DENND4C: variants seen among roughly 807,000 people sequenced by gnomAD.
DENND4C encodes DENN domain containing 4C, also known as DENN domain-containing protein 4C.
In DENND4C, 108 loss-of-function variants were observed where a neutral mutation model predicts 203.0. That is an observed-to-expected ratio of 0.53 (90% CI 0.46 to 0.62). The LOEUF (loss-of-function observed/expected upper bound fraction) is 0.62, where lower values mean the gene tolerates loss of function less well. Among genes scored for constraint, DENND4C ranks in the 20% least tolerant of loss-of-function variants. The probability of loss-of-function intolerance (pLI) is 0.00; values close to 1 mark genes in which losing one functional copy is unlikely to be tolerated. For missense variants in DENND4C, 2,481 were observed against 2,301.2 expected (o/e 1.08, Z -1.60); for synonymous variants, 871 against 792.4 (o/e 1.10, Z -1.67).
At position 19,311,858 on chromosome 9, in the gene DENND4C, C is replaced by A. The variant is rs61635462; in HGVS notation, c.1488-4559C>A. Among the ~76,000 whole-genome samples, 313 of 152,222 alleles carry A rather than the reference C, an allele frequency of 2.1e-3. 10 individuals are homozygous for A. In the East Asian group the frequency reaches 0.051, roughly 25 times the overall value. On this transcript the variant is annotated intron_variant, in intron 10 of 32. Transcript: ENST00000434457. ...AGAAGTGAGATATATATGATGACAG[C>A]TTCTATGGAGGATATCTGGCAACAT...
chr9:19,360,350 A>C lies in DENND4C; in HGVS notation c.5267A>C (p.Gln1756Pro). 6.2e-7 allele frequency: 1 copy of C among 1,614,140 alleles called. No homozygotes were observed. Among genetic ancestry groups the C allele is most frequent in the Non-Finnish European group, 8.5e-7 (1 of 1,180,004 alleles). Residue 1756 changes from glutamine to proline, a missense_variant, in exon 29 of 33, where the codon CAG (glutamine) becomes CCG (proline). Coordinates refer to ENST00000434457, the MANE Select transcript of DENND4C (RefSeq NM_001330640.2). ...TCTTTGCTAGAAAATGAAGGTGATC[A>C]GGTGATTCATACATCTTCTTTCATC... Reference protein sequence around the residue: ...LESLLENEGDQVIHTSSFINQ... With the variant: ...LESLLENEGDPVIHTSSFINQ...
At chr9:19,319,617 G>T (rs1410780859) in intron 12 of DENND4C, among the ~76,000 whole-genome samples, 1 of 151,576 alleles carries the variant, frequency 6.6e-6, no homozygotes, top group Non-Finnish European at 1.5e-5. Flanking sequence ...ATAAATGCCA[G>T]ATGAAGAATA....
chr9:19,314,941 C>A (rs953653644), intron 10 of DENND4C, among the ~76,000 whole-genome samples: 2 of 151,712 alleles, frequency 1.3e-5, no homozygotes, highest in Admixed American at 1.3e-4. Context: ...GTGGGCGTAT[C>A]ACATGAGGTC....
chr9:19,306,045 A>T (rs1227571520), intron 10 of DENND4C, among the ~76,000 whole-genome samples: 3 of 151,968 alleles, frequency 2.0e-5, no homozygotes, highest in African/African-American at 7.2e-5. Flanking sequence ...GGTGATAATT[A>T]AGTACAGCAG....
At chr9:19,272,714 T>C (rs1263144462) in intron 1 of DENND4C, among the ~76,000 whole-genome samples, 1 of 151,994 alleles carries the variant, frequency 6.6e-6, no homozygotes, top group Non-Finnish European at 1.5e-5. Context: ...TAGAAGAAAA[T>C]GTGGGGGAAA....
chr9:19,298,800 A>G (rs1466461759), intron 7 of DENND4C, among the ~76,000 whole-genome samples: 3 of 152,144 alleles, frequency 2.0e-5, no homozygotes, highest in African/African-American at 4.8e-5. Context: ...TTTCTAAGAC[A>G]TTCTTAACAT....
chr9:19,323,699 G>C (rs1843266301), intron 12 of DENND4C, among the ~76,000 whole-genome samples: 1 of 152,170 alleles, frequency 6.6e-6, no homozygotes, highest in Non-Finnish European at 1.5e-5. Flanking sequence ...CATTAAAGAG[G>C]AAGGACATTG....
At chr9:19,311,316 G>C (rs1307529023) in intron 10 of DENND4C, among the ~76,000 whole-genome samples, 3 of 152,052 alleles carry the variant, frequency 2.0e-5, no homozygotes, top group Non-Finnish European at 4.4e-5. Context: ...AGTAGAGACA[G>C]GATTTCACCA....
rs571788265 is a variant in DENND4C at position 19,254,122 on chromosome 9, T to G, written c.-17-22036T>G. Reference sequence around the variant, plus strand: ...TATGGGTATGGCGAAAGAGAACTCTTGTACCCTATTGGTGGGAATGTAAAT... The same window carrying G: ...TATGGGTATGGCGAAAGAGAACTCTGGTACCCTATTGGTGGGAATGTAAAT... On this transcript the variant is annotated intron_variant, in intron 1 of 32. Transcript: ENST00000434457. Among the ~76,000 whole-genome samples the G allele has an allele frequency of 3.9e-5, 6 of 152,358 alleles. No homozygotes were observed. In the East Asian group the frequency reaches 1.2e-3, roughly 29 times the overall value.
At chr9:19,336,482 G>A (rs1588946704) in intron 19 of DENND4C, 68 bp downstream of exon 19, 3 of 1,522,522 alleles carry the variant, frequency 2.0e-6, no homozygotes, top group South Asian at 1.3e-5. Flanking sequence ...TGAATTTTTA[G>A]CTATGTGAAG....
chr9:19,358,761 G>A lies in DENND4C; in HGVS notation c.5160+601G>A, dbSNP rs549398141. On this transcript the variant is annotated intron_variant, in intron 28 of 32. Transcript: ENST00000434457. The surrounding 1 kb of genome is among the most constrained non-coding windows in gnomAD (Gnocchi z 4.8). Reference sequence around the variant, plus strand: ...TTGCAATTTATTTGTTGATAAAACTGGTTAGAGTACAGTTTTCCATAATCC... The same window carrying A: ...TTGCAATTTATTTGTTGATAAAACTAGTTAGAGTACAGTTTTCCATAATCC... 1.0e-3 allele frequency among the ~76,000 whole-genome samples: 159 copies of A among 151,902 alleles called. No individual in the cohort carries two copies. The highest frequency in any genetic ancestry group is 1.6e-3 in the Non-Finnish European group (109 of 68,014).
intron 30 of DENND4C, among the ~76,000 whole-genome samples, chr9:19,368,808 T>G (rs1460140218): frequency 2.0e-5 from 3 of 151,740 alleles, no homozygotes; most frequent in Non-Finnish European, 4.4e-5. Flanking sequence ...TAAAAAGTTA[T>G]GAATTACATC....
At chr9:19,235,684 C>T (rs1821792317) in intron 1 of DENND4C, among the ~76,000 whole-genome samples, 1 of 143,606 alleles carries the variant, frequency 7.0e-6, no homozygotes, top group African/African-American at 2.5e-5. Flanking sequence ...GATCTCAGCT[C>T]ACTGCAAGCT....
intron 2 of DENND4C, among the ~76,000 whole-genome samples, chr9:19,284,909 C>T (rs938507095): frequency 2.0e-5 from 3 of 152,010 alleles, no homozygotes; most frequent in African/African-American, 7.2e-5. Context: ...GTTTATTTTT[C>T]TACTCCCATA....
At position 19,324,412 on chromosome 9, in the gene DENND4C, T is replaced by A; in HGVS notation, c.1858T>A (p.Ser620Thr). Residue 620 changes from serine to threonine, a missense_variant, in exon 13 of 33, where the codon TCC (serine) becomes ACC (threonine). Ser to Thr is a moderately conservative substitution (Grantham distance 58). This residue lies in a region of DENND4C where 2,289 missense variants were observed against 2,113.3 expected (regional missense o/e 1.08). Coordinates refer to ENST00000434457, the MANE Select transcript of DENND4C (RefSeq NM_001330640.2). ...RAYAKFYTLLSKTQIFIRFIE... is the reference protein window; with the variant it reads ...RAYAKFYTLLTKTQIFIRFIE... Reference sequence around the variant, plus strand: ...CTATGCAAAATTCTATACCCTTTTATCCAAAACACAGATTTTTATTCGTTT... The same window carrying A: ...CTATGCAAAATTCTATACCCTTTTAACCAAAACACAGATTTTTATTCGTTT... 2 of 1,612,992 alleles carry A rather than the reference T, an allele frequency of 1.2e-6. No individual in the cohort carries two copies. The highest frequency in any genetic ancestry group is 1.7e-6 in the Non-Finnish European group (2 of 1,179,634).
At chr9:19,264,573 C>G (rs1011414157) in intron 1 of DENND4C, among the ~76,000 whole-genome samples, 4 of 152,136 alleles carry the variant, frequency 2.6e-5, no homozygotes, top group Non-Finnish European at 5.9e-5. Context: ...TCTCAAAGTG[C>G]TGGGATTACA....
chr9:19,275,533 C>T (rs1442435504), intron 1 of DENND4C, among the ~76,000 whole-genome samples: 1 of 151,740 alleles, frequency 6.6e-6, no homozygotes, highest in East Asian at 1.9e-4. Flanking sequence ...TGAAGTGGAG[C>T]AATCTCCGCT....
At chr9:19,328,633 GTC>G (rs1563808348) in intron 16 of DENND4C, among the ~76,000 whole-genome samples, 3 of 73,446 alleles carry the variant, frequency 4.1e-5, no homozygotes, top group East Asian at 9.6e-4. Context: ...CTATATATGT[GTC>G]TGTCTGTCTG....
At chr9:19,356,681 T>C (rs57629701) in intron 26 of DENND4C, among the ~76,000 whole-genome samples, 6,507 of 151,914 alleles carry the variant, frequency 0.043, 436 homozygotes, top group African/African-American at 0.15. Flanking sequence ...TCTTTAGTGG[T>C]TCTCAAAAAT....
Sources: gnomAD v4.1 joint callset for allele counts (sites outside exome capture counted in the v4.1 genomes callset) on GRCh38, gnomAD v4.1.1 for gene constraint, gnomAD v4.1.1 regional missense constraint, Gnocchi (gnomAD v3.1) non-coding constraint, MANE v1.5 for transcripts, NCBI Gene and HGNC (gene_info 2026-07-23, HGNC 2026-07-21) for gene names.